The following ABCG8 variants were observed in gnomAD, a reference collection of about 807,000 sequenced individuals.
The protein encoded by ABCG8 is ATP binding cassette subfamily G member 8.
ABCG8 carries 81 observed loss-of-function variants against 71.3 expected under a neutral mutation model. That is an observed-to-expected ratio of 1.14 (90% CI 0.95 to 1.37). ABCG8 has a LOEUF of 1.37. Among genes scored for constraint, ABCG8 ranks in the 40% most tolerant of loss-of-function variants. The pLI, the probability that ABCG8 is intolerant of heterozygous loss-of-function variation, is 0.00. For synonymous variants in ABCG8, 451 were observed against 354.7 expected (o/e 1.27, Z -3.05); for missense variants, 1,119 against 866.2 (o/e 1.29, Z -3.66).
chr2:43,855,132 G>C (rs1669058189), intron 6 of ABCG8, among the ~76,000 whole-genome samples: 1 of 152,076 alleles, frequency 6.6e-6, no homozygotes, highest in Non-Finnish European at 1.5e-5. Context: ...CTCACAATCT[G>C]GATAGAATTC....
intron 6 of ABCG8, among the ~76,000 whole-genome samples, chr2:43,868,299 C>T (rs560718601): frequency 6.6e-6 from 1 of 152,060 alleles, no homozygotes; most frequent in South Asian, 2.1e-4. Flanking sequence ...GGATAGAATT[C>T]TCACCATCTG....
rs1250459571 is a variant in ABCG8 at position 43,839,131 on chromosome 2, G to C, written c.63+15G>C. 6.4e-6 allele frequency: 10 copies of C among 1,550,412 alleles called. No individual in the cohort carries two copies. The highest frequency in any genetic ancestry group is 4.1e-5 in the African/African-American group (3 of 73,042). On this transcript the variant is annotated intron_variant, in intron 1 of 12. Transcript: ENST00000272286. ...AGGATACCTCGGTGAGTGAGCAATGGGAAGTCGGCCCAGGCCTGGTGGGCG... is the reference window on the plus strand; with the variant it reads ...AGGATACCTCGGTGAGTGAGCAATGCGAAGTCGGCCCAGGCCTGGTGGGCG...
intron 1 of ABCG8, among the ~76,000 whole-genome samples, chr2:43,843,741 T>C (rs1378172871): frequency 1.3e-5 from 2 of 152,104 alleles, no homozygotes; most frequent in African/African-American, 4.8e-5. Flanking sequence ...ATAGGAGGAA[T>C]TGAGATCTGC....
In ABCG8 at chr2:43,875,336, CCTT is replaced by C; in HGVS notation, c.1684_1686del (p.Phe562del). The C allele has an allele frequency of 5.0e-6, 8 of 1,614,174 alleles. No homozygotes were observed. The highest frequency in any genetic ancestry group is 1.1e-5 in the South Asian group (1 of 91,078). On this transcript the variant is annotated inframe_deletion, in exon 11 of 13. Coordinates refer to ENST00000272286, the MANE Select transcript of ABCG8 (RefSeq NM_022437.3). ...CTGCTCCCCACCTTCCACATGGCCT[CCTT>C]CTTCAGCAATGCCCTCTACAACTCC...
intron 6 of ABCG8, among the ~76,000 whole-genome samples, chr2:43,865,932 G>T (rs1305793953): frequency 1.3e-5 from 2 of 152,034 alleles, no homozygotes; most frequent in Non-Finnish European, 2.9e-5. Context: ...TATCTATCTG[G>T]ATAGAATTCT....
At chr2:43,841,985 C>A (rs563487824) in intron 1 of ABCG8, among the ~76,000 whole-genome samples, 1 of 151,730 alleles carries the variant, frequency 6.6e-6, no homozygotes, top group South Asian at 2.1e-4. Flanking sequence ...GCATGTTAGC[C>A]CACATGAGTC....
intron 8 of ABCG8, among the ~76,000 whole-genome samples, 181 bp from the exon 9 acceptor site, chr2:43,873,606 C>T (rs1486356749): frequency 2.6e-5 from 4 of 152,174 alleles, no homozygotes; most frequent in Admixed American, 2.6e-4. Flanking sequence ...TGAGTACCTA[C>T]TGTGGGACAG....
intron 6 of ABCG8, among the ~76,000 whole-genome samples, chr2:43,862,580 A>C (rs1669364417): frequency 8.1e-6 from 1 of 122,816 alleles, no homozygotes; most frequent in African/African-American, 2.6e-5. Context: ...GTTTCTGGAT[A>C]GAACTCTTAC....
At position 43,864,926 on chromosome 2, in the gene ABCG8, GCA is replaced by G. The variant is rs566802235; in HGVS notation, c.965-7049_965-7048del. Among the ~76,000 whole-genome samples, 435 of 143,824 alleles carry G rather than the reference GCA, an allele frequency of 3.0e-3. 2 individuals carry two copies. The highest frequency in any genetic ancestry group is 0.016 in the Middle Eastern group (4 of 256). 94.4% of individuals were successfully genotyped at this position (143,824 alleles called of 152,430 possible). A position where few individuals can be genotyped will look rare whatever the true frequency, so the allele number is the denominator to read the frequency against. ...TATCTGGATAGAATTGTAACTCTCTGCATATAACTCTCACTATCTATCTAGAT... is the reference window on the plus strand; with the variant it reads ...TATCTGGATAGAATTGTAACTCTCTGTATAACTCTCACTATCTATCTAGAT... On this transcript the variant is annotated intron_variant, in intron 6 of 12. Transcript: ENST00000272286.
At chr2:43,839,139 G>T in intron 1 of ABCG8, 23 bp downstream of exon 1, 1 of 1,550,836 alleles carries the variant, frequency 6.4e-7, no homozygotes, top group Non-Finnish European at 8.7e-7. Context: ...TGGGAAGTCG[G>T]CCCAGGCCTG....
intron 12 of ABCG8, 40 bp downstream of exon 12, chr2:43,877,728 C>T (rs1670008206): frequency 3.7e-6 from 6 of 1,613,968 alleles, no homozygotes; most frequent in Non-Finnish European, 5.1e-6. Flanking sequence ...TATTGGACGT[C>T]CGGCTTTCCA....
chr2:43,868,086 T>C (rs1036986044), intron 6 of ABCG8, among the ~76,000 whole-genome samples: 2 of 152,034 alleles, frequency 1.3e-5, no homozygotes, highest in African/African-American at 4.8e-5. Flanking sequence ...ATTTTCATTC[T>C]CTGGATAGAT....
At chr2:43,842,528 G>C (rs1296168797) in intron 1 of ABCG8, among the ~76,000 whole-genome samples, 5 of 151,968 alleles carry the variant, frequency 3.3e-5, no homozygotes. Flanking sequence ...TCCTGCTTGG[G>C]GGCTTTGGCA....
intron 10 of ABCG8, 112 bp from the exon 11 acceptor site, chr2:43,875,031 CTCA>C (rs1232551349): frequency 1.0e-5 from 15 of 1,449,820 alleles, no homozygotes; most frequent in Non-Finnish European, 1.3e-5. Flanking sequence ...CTGCCACAGC[CTCA>C]TCATCACCAG....
At position 43,879,597 on chromosome 2, in the gene ABCG8, G is replaced by T. The variant is rs1351611509; in HGVS notation, c.*1684G>T. The T allele has an allele frequency of 6.6e-6, 1 of 152,224 alleles. No homozygotes were observed. The highest frequency in any genetic ancestry group is 1.5e-5 in the Non-Finnish European group (1 of 68,050). The allele number at this position is 152,224 out of a possible 1,614,324, so 9.4% of individuals were successfully genotyped here. A position where few individuals can be genotyped will look rare whatever the true frequency, so the allele number is the denominator to read the frequency against. The stretch of plus-strand genomic sequence containing the variant: ...TCCAACCTGCAGACCCCATTCTTGA[G>T]ATTGACTGGGAGTTCCTATCATGTC... On this transcript the variant is annotated 3_prime_UTR_variant, in exon 13 of 13. Coordinates refer to ENST00000272286, the MANE Select transcript of ABCG8 (RefSeq NM_022437.3).
rs1668957612 is a variant in ABCG8 at position 43,852,503 on chromosome 2, C to A, written c.694+17C>A. 6.2e-7 allele frequency: 1 copy of A among 1,613,320 alleles called. No homozygotes were observed. The highest frequency in any genetic ancestry group is 1.7e-5 in the Admixed American group (1 of 59,996). ...GGAACCCAGGTGAGGGCCTGGGGGG[C>A]AGATGGGGGCAGAGGGACCTGTGCG... On this transcript the variant is annotated intron_variant, in intron 5 of 12. Transcript: ENST00000272286.
At chr2:43,861,463 T>G (rs1669315602) in intron 6 of ABCG8, among the ~76,000 whole-genome samples, 1 of 151,424 alleles carries the variant, frequency 6.6e-6, no homozygotes, top group Admixed American at 6.6e-5. Flanking sequence ...TCTCACCATC[T>G]GGATAGAACT....
intron 3 of ABCG8, 120 bp from the exon 4 acceptor site, chr2:43,851,463 GC>G (rs771452943): frequency 2.4e-5 from 27 of 1,110,426 alleles, no homozygotes; most frequent in Non-Finnish European, 2.6e-5. Context: ...CTCTCTAGGG[GC>G]TGGTCACATC....
In ABCG8 at chr2:43,882,370, T is replaced by C. The variant is rs1365561753; in HGVS notation, c.*4457T>C. 6.6e-6 allele frequency: 1 copy of C among 152,244 alleles called. No homozygotes were observed. Among genetic ancestry groups the C allele is most frequent in the Non-Finnish European group, 1.5e-5 (1 of 68,044 alleles). The allele number at this position is 152,244 out of a possible 1,614,324, so 9.4% of individuals were successfully genotyped here. On this transcript the variant is annotated 3_prime_UTR_variant, in exon 13 of 13. Coordinates refer to ENST00000272286, the MANE Select transcript of ABCG8 (RefSeq NM_022437.3). ...GGACCAGGGGTTCCTCATAGTGGCT[T>C]AGCACAGCATACAGACCACTTTCCT...
Sources: gnomAD v4.1 joint callset for allele counts (sites outside exome capture counted in the v4.1 genomes callset) on GRCh38, gnomAD v4.1.1 for gene constraint, MANE v1.5 for transcripts, NCBI Gene and HGNC (gene_info 2026-07-23, HGNC 2026-07-21) for gene names.